Variants in ATP2C1 observed in about 807,000 individuals in gnomAD.
ATP2C1 encodes the protein calcium-transporting ATPase type 2C member 1.
In ATP2C1, 31 loss-of-function variants were observed where a neutral mutation model predicts 120.5. The observed-to-expected ratio is 0.26, with a 90% CI of 0.19 to 0.35. The LOEUF is 0.35. ATP2C1 is among the 10% of genes least tolerant of loss of function. ATP2C1 has a pLI of 1.00. For missense variants in ATP2C1, 731 were observed against 1,107.5 expected, an observed-to-expected ratio of 0.66 and a Z score of 4.83; for synonymous variants, 351 against 358.7, an observed-to-expected ratio of 0.98 and a Z score of 0.24.
At chr3:130,892,982 T>C (rs1216467864), upstream of ATP2C1, among the ~76,000 whole-genome samples, 3 of 152,216 alleles carry the variant, frequency 2.0e-5, no homozygotes, top group Admixed American at 1.3e-4. Flanking sequence ...AGTGTCTAAG[T>C]GTTGATGGAG....
At chr3:130,887,253 C>T (rs2069002633) in intron 1 of ATP2C1, among the ~76,000 whole-genome samples, 1 of 152,230 alleles carries the variant, frequency 6.6e-6, no homozygotes, top group East Asian at 1.9e-4. Flanking sequence ...GCCCTCACTA[C>T]TGGGACTGTG....
intron 2 of ATP2C1, among the ~76,000 whole-genome samples, chr3:130,911,801 C>T (rs368728190): frequency 3.4e-5 from 5 of 147,614 alleles, no homozygotes; most frequent in Middle Eastern, 3.2e-3. Flanking sequence ...CAAGTCAATC[C>T]TAAGCCAAAA....
rs138992786 is a variant in ATP2C1 at position 130,863,197 on chromosome 3, C to G, written c.108+12269C>G. ...ATTCTGAGCAGCTTCAGCTCCCAAA[C>G]TCATTGAATGAAGTAGAGGATGTTC... On this transcript the variant is annotated intron_variant, in intron 1 of 26. Transcript: ENST00000504381. 7.2e-4 allele frequency among the ~76,000 whole-genome samples: 109 copies of G among 152,174 alleles called. 1 individual carries two copies. The highest frequency in any genetic ancestry group is 2.5e-3 in the African/African-American group (104 of 41,498).
intron 20 of ATP2C1, among the ~76,000 whole-genome samples, chr3:130,987,425 G>T (rs1298823187): frequency 1.3e-5 from 2 of 152,178 alleles, no homozygotes; most frequent in African/African-American, 4.8e-5. Context: ...GATCTCCCCA[G>T]TTCAGGTGAT....
intron 4 of ATP2C1, among the ~76,000 whole-genome samples, chr3:130,933,239 G>C (rs1387672362): frequency 6.8e-6 from 1 of 147,836 alleles, no homozygotes; most frequent in Non-Finnish European, 1.5e-5. Flanking sequence ...ACAGTAAATA[G>C]TAATCGTAAT....
chr3:130,992,832 C>G, intron 20 of ATP2C1, 119 bp from the exon 21 acceptor site: 1 of 776,638 alleles, frequency 1.3e-6, no homozygotes, highest in South Asian at 1.4e-5. Flanking sequence ...AGCTTGATCT[C>G]AGTGGCAAAT....
chr3:130,862,698 C>T (rs1285914101), intron 1 of ATP2C1, among the ~76,000 whole-genome samples: 1 of 152,168 alleles, frequency 6.6e-6, no homozygotes, highest in Admixed American at 6.5e-5. Flanking sequence ...TAGGGATATT[C>T]CTGTATGTCA....
chr3:130,888,127 C>T (rs148025023), intron 1 of ATP2C1, among the ~76,000 whole-genome samples: 1 of 152,306 alleles, frequency 6.6e-6, no homozygotes, highest in East Asian at 1.9e-4. Context: ...GACGTGTCAT[C>T]TATGAGTTAG....
intron 3 of ATP2C1, 60 bp downstream of exon 3, chr3:130,930,586 TA>T (rs757497763): frequency 1.9e-6 from 2 of 1,052,364 alleles, no homozygotes; most frequent in Non-Finnish European, 3.0e-6. Context: ...TTAGACTCTA[TA>T]AAACAGTGCT....
At chr3:130,909,482 C>A (rs1362602134) in intron 2 of ATP2C1, among the ~76,000 whole-genome samples, 1 of 152,128 alleles carries the variant, frequency 6.6e-6, no homozygotes. Flanking sequence ...CTTCTCTAGG[C>A]CGAATATTCC....
At chr3:130,879,376 G>GTT (rs1322479740) in intron 1 of ATP2C1, among the ~76,000 whole-genome samples, 3 of 151,604 alleles carry the variant, frequency 2.0e-5, no homozygotes, top group Non-Finnish European at 4.4e-5. Context: ...TGATATTTCT[G>GTT]TTTTTTTCTC....
intron 8 of ATP2C1, among the ~76,000 whole-genome samples, chr3:130,947,589 TG>T: frequency 6.6e-6 from 1 of 152,338 alleles, no homozygotes; most frequent in East Asian, 1.9e-4. Flanking sequence ...ACTTCATTCA[TG>T]TATGTCATTG....
At chr3:130,886,591 CTATT>C (rs1167445487) in intron 1 of ATP2C1, among the ~76,000 whole-genome samples, 1 of 152,052 alleles carries the variant, frequency 6.6e-6, no homozygotes, top group East Asian at 1.9e-4. Flanking sequence ...TACATGTTCA[CTATT>C]TATTTTTTCT....
chr3:130,971,843 A>G lies in ATP2C1; in HGVS notation c.1413+2447A>G, dbSNP rs150091527. The stretch of plus-strand genomic sequence containing the variant: ...AGGATTAAGCCTTAAGACTGAAAAC[A>G]GAATGATTAAGAAGATGTCATTGTC... On this transcript the variant is annotated intron_variant, in intron 17 of 27. Coordinates refer to ENST00000510168, the MANE Select transcript of ATP2C1 (RefSeq NM_001378687.1). Among the ~76,000 whole-genome samples the G allele has an allele frequency of 2.7e-3, 410 of 152,336 alleles. 2 individuals carry two copies. The highest frequency in any genetic ancestry group is 9.3e-3 in the African/African-American group (385 of 41,582).
At chr3:130,908,186 T>G (rs2058228813) in intron 2 of ATP2C1, among the ~76,000 whole-genome samples, 1 of 152,106 alleles carries the variant, frequency 6.6e-6, no homozygotes, top group South Asian at 2.1e-4. Flanking sequence ...ATAAAAAATA[T>G]GAACAACCAA....
chr3:130,871,297 G>A (rs1193087753), intron 1 of ATP2C1, among the ~76,000 whole-genome samples: 2 of 152,192 alleles, frequency 1.3e-5, no homozygotes, highest in African/African-American at 4.8e-5. Flanking sequence ...TCTTAGAATT[G>A]AGTACTATTG....
Position 130,979,302 on chromosome 3 carries a change from G to A in ATP2C1, c.1624G>A (p.Val542Met), listed in dbSNP as rs977746310. 10 of 1,613,630 alleles carry A rather than the reference G, an allele frequency of 6.2e-6. No homozygotes were observed. The highest frequency in any genetic ancestry group is 3.3e-5 in the South Asian group (3 of 91,064). ...GGGACAGCTGACATTTCTTGGCTTGGTGGGAATCATTGATCCACCTAGAAC... is the reference window on the plus strand; with the variant it reads ...GGGACAGCTGACATTTCTTGGCTTGATGGGAATCATTGATCCACCTAGAAC... ...ELGQLTFLGL[V>M]GIIDPPRTGV... Residue 542 changes from valine to methionine, a missense_variant, in exon 19 of 28, where the codon GTG becomes ATG. Transcript: ENST00000510168.
At chr3:130,979,633 A>G (rs2061668743) in intron 19 of ATP2C1, among the ~76,000 whole-genome samples, 1 of 151,290 alleles carries the variant, frequency 6.6e-6, no homozygotes, top group South Asian at 2.1e-4. Context: ...TAAATCATGA[A>G]ATCACATGCA....
At chr3:130,861,501 G>T (rs2068011838) in intron 1 of ATP2C1, among the ~76,000 whole-genome samples, 1 of 152,140 alleles carries the variant, frequency 6.6e-6, no homozygotes, top group African/African-American at 2.4e-5. Flanking sequence ...CCCTTCCTCT[G>T]CCTTTTGGTC....
Sources: allele counts gnomAD v4.1 joint callset (sites outside exome capture counted in the v4.1 genomes callset), GRCh38; gene constraint gnomAD v4.1.1; transcripts MANE v1.5; gene names NCBI Gene and HGNC (gene_info 2026-07-23, HGNC 2026-07-21).